CAST: variants seen among roughly 807,000 people sequenced by gnomAD.
CAST encodes MIR583 host.
A neutral mutation model predicts 119.6 loss-of-function variants in CAST; 76 were observed. The ratio of observed to expected loss-of-function variants is 0.64; its 90% confidence interval spans 0.53 to 0.77. The LOEUF is 0.77. Among genes scored for constraint, CAST ranks in the 30% least tolerant of loss-of-function variants. The pLI, the probability that CAST is intolerant of heterozygous loss-of-function variation, is 0.00. For synonymous variants in CAST, 319 were observed against 331.6 expected (o/e 0.96, Z 0.41); for missense variants, 953 against 946.5 (o/e 1.01, Z -0.09).
the CAST span, among the ~76,000 whole-genome samples, chr5:95,977,579 T>C: frequency 6.6e-6 from 1 of 152,228 alleles, no homozygotes; most frequent in African/African-American, 2.4e-5. Flanking sequence ...CAGTTACAAT[T>C]AGTAAGTATA....
chr5:96,258,034 A>T, the CAST span, among the ~76,000 whole-genome samples: 252 of 152,326 alleles, frequency 1.7e-3, no homozygotes, highest in African/African-American at 5.8e-3. Flanking sequence ...AGTATGCTGC[A>T]TAAGGATTCA....
chr5:96,366,354 C>T, the CAST span, among the ~76,000 whole-genome samples: 1 of 152,130 alleles, frequency 6.6e-6, no homozygotes, highest in Non-Finnish European at 1.5e-5. Context: ...CTCTGTATTT[C>T]CTGAATTTGA....
At chr5:96,613,013 T>C (rs1205160247) in intron 1 of CAST, among the ~76,000 whole-genome samples, 2 of 152,214 alleles carry the variant, frequency 1.3e-5, no homozygotes, top group Non-Finnish European at 2.9e-5. Context: ...TTTCCAAATA[T>C]GTATGAGTCT....
the CAST span, among the ~76,000 whole-genome samples, chr5:96,456,098 G>A: frequency 6.6e-6 from 1 of 152,144 alleles, no homozygotes; most frequent in East Asian, 1.9e-4. Flanking sequence ...AGGGAATAGA[G>A]GGGATATCTA....
chr5:96,456,527 C>T, the CAST span, among the ~76,000 whole-genome samples: 4 of 152,204 alleles, frequency 2.6e-5, no homozygotes, highest in Admixed American at 2.6e-4. Flanking sequence ...AATATCAAGA[C>T]TATTATTCTG....
the CAST span, among the ~76,000 whole-genome samples, chr5:96,162,414 T>C: frequency 1.3e-5 from 2 of 152,030 alleles, no homozygotes; most frequent in African/African-American, 2.4e-5. Flanking sequence ...TGGTATATTG[T>C]TTGTTTGTTT....
intron 1 of CAST, among the ~76,000 whole-genome samples, chr5:96,551,742 A>T (rs1461064208): frequency 6.6e-6 from 1 of 152,128 alleles, no homozygotes; most frequent in East Asian, 1.9e-4. Flanking sequence ...AGAAAATAGA[A>T]AGCAAGAAAA....
chr5:96,398,029 T>C, the CAST span, among the ~76,000 whole-genome samples: 3 of 152,172 alleles, frequency 2.0e-5, no homozygotes, highest in Non-Finnish European at 2.9e-5. Context: ...CCTGTAAATT[T>C]TTAAGTCCCA....
chr5:96,600,677 T>G (rs527791611), intron 1 of CAST, among the ~76,000 whole-genome samples: 5 of 152,170 alleles, frequency 3.3e-5, no homozygotes, highest in Non-Finnish European at 7.4e-5. Context: ...TACCTGCATA[T>G]TCTTTCTGCA....
At chr5:96,191,721 C>T in the CAST span, among the ~76,000 whole-genome samples, 1 of 152,186 alleles carries the variant, frequency 6.6e-6, no homozygotes, top group African/African-American at 2.4e-5. Flanking sequence ...AGGCGCACGC[C>T]ACCACACCCA....
chr5:96,571,765 T>C (rs1230647479), intron 1 of CAST, among the ~76,000 whole-genome samples: 1 of 152,256 alleles, frequency 6.6e-6, no homozygotes, highest in Non-Finnish European at 1.5e-5. Flanking sequence ...TGTTTTACTT[T>C]CCTTTGTAGC....
chr5:96,231,436 CTA>C, the CAST span, among the ~76,000 whole-genome samples: 1 of 151,974 alleles, frequency 6.6e-6, no homozygotes, highest in Non-Finnish European at 1.5e-5. Flanking sequence ...ATAAGCAAAT[CTA>C]TAGAGGCAGA....
chr5:96,060,457 G>A, the CAST span, among the ~76,000 whole-genome samples: 18 of 152,260 alleles, frequency 1.2e-4, no homozygotes, highest in East Asian at 3.3e-3. Context: ...TTTGGGGCAT[G>A]CTGGAATTTC....
chr5:96,461,720 G>A, the CAST span, among the ~76,000 whole-genome samples: 1 of 152,082 alleles, frequency 6.6e-6, no homozygotes, highest in East Asian at 1.9e-4. Context: ...ACCTTAACTT[G>A]AGGATAGTTT....
the CAST span, among the ~76,000 whole-genome samples, chr5:96,202,639 A>T: frequency 1.3e-5 from 2 of 152,120 alleles, no homozygotes; most frequent in Non-Finnish European, 2.9e-5. Flanking sequence ...GAGAGGCGTG[A>T]ATATCTGGTA....
chr5:96,563,898 G>A (rs1029115220), intron 1 of CAST, among the ~76,000 whole-genome samples: 1 of 152,108 alleles, frequency 6.6e-6, no homozygotes, highest in Non-Finnish European at 1.5e-5. Context: ...CTTGCCTTTT[G>A]CTTACCATTT....
In CAST at chr5:96,767,456, CCTACAAAGAAAT is replaced by C; in HGVS notation, c.2151_2162del (p.Thr718_Ser721del). On this transcript the variant is annotated inframe_deletion, in exon 28 of 32. Transcript: ENST00000675179. The stretch of plus-strand genomic sequence containing the variant: ...TTTTAAGGACAAACCAGTGAAGCCA[CCTACAAAGAAAT>C]CAGAGGATTCAAAGGTAAAGACCAT... 6.2e-7 allele frequency: 1 copy of C among 1,612,814 alleles called. No individual in the cohort carries two copies. Among genetic ancestry groups the C allele is most frequent in the Non-Finnish European group, 8.5e-7 (1 of 1,179,072 alleles).
chr5:96,757,534 T>G (rs1766580706), intron 23 of CAST, 40 bp downstream of exon 23: 1 of 1,611,860 alleles, frequency 6.2e-7, no homozygotes, highest in Admixed American at 1.7e-5. Context: ...CTTTTCCTTT[T>G]GGCCCTGATT....
At chr5:96,245,339 T>C in the CAST span, among the ~76,000 whole-genome samples, 1 of 152,170 alleles carries the variant, frequency 6.6e-6, no homozygotes, top group African/African-American at 2.4e-5. Flanking sequence ...AGCTAGAAAG[T>C]AATGGTTGTG....
Sources: allele counts gnomAD v4.1 joint callset (sites outside exome capture counted in the v4.1 genomes callset), GRCh38; gene constraint gnomAD v4.1.1; transcripts MANE v1.5; gene names NCBI Gene and HGNC (gene_info 2026-07-23, HGNC 2026-07-21).